TMEM132B: variants seen among roughly 807,000 people sequenced by gnomAD.
TMEM132B encodes the protein transmembrane protein 132B.
Under a neutral mutation model 90.8 loss-of-function variants are expected in TMEM132B, and 18 were observed. That is an observed-to-expected ratio of 0.20 (90% CI 0.14 to 0.29). The LOEUF is 0.29. TMEM132B is among the 10% of genes least tolerant of loss of function. TMEM132B has a pLI of 1.00. For missense variants in TMEM132B, 1,096 were observed against 1,326.8 expected (o/e 0.83, Z 2.70); for synonymous variants, 504 against 523.3 (o/e 0.96, Z 0.50).
At chr12:125,381,381 T>C (rs996940051) in intron 2 of TMEM132B, among the ~76,000 whole-genome samples, 6 of 152,076 alleles carry the variant, frequency 3.9e-5, no homozygotes, top group Middle Eastern at 3.2e-3. Context: ...AGGAGGAAGA[T>C]GAAGGGTCCC....
chr12:125,525,482 C>T (rs535570406), intron 4 of TMEM132B, among the ~76,000 whole-genome samples: 2 of 152,334 alleles, frequency 1.3e-5, no homozygotes, highest in African/African-American at 4.8e-5. Flanking sequence ...GTGTTTCGTC[C>T]TCCCTGGAAG....
intron 3 of TMEM132B, among the ~76,000 whole-genome samples, chr12:125,512,845 G>T (rs1265919560): frequency 1.3e-5 from 2 of 152,088 alleles, no homozygotes; most frequent in Non-Finnish European, 2.9e-5. Flanking sequence ...ATTAGATCCT[G>T]ATGAAAAAAA....
intron 4 of TMEM132B, among the ~76,000 whole-genome samples, chr12:125,553,100 G>A (rs1214806745): frequency 6.6e-6 from 1 of 152,236 alleles, no homozygotes; most frequent in Non-Finnish European, 1.5e-5. Flanking sequence ...AAAGTGCCTT[G>A]TACCCAAATT....
rs545979685 is a variant in TMEM132B, at chr12:125,527,143, TATCCACCC to T, written c.1293+7543_1293+7550del. On this transcript the variant is annotated intron_variant, in intron 4 of 8. Transcript: ENST00000682704. ...ACTTCCATCCACCCATTTACCCTTCTATCCACCCATCCACCCATCCACCCATCCACCCT... is the reference window on the plus strand; with the variant it reads ...ACTTCCATCCACCCATTTACCCTTCTATCCACCCATCCACCCATCCACCCT... 6.7e-3 allele frequency among the ~76,000 whole-genome samples: 351 copies of T among 52,036 alleles called. 10 individuals are homozygous for T. The highest frequency in any genetic ancestry group is 0.023 in the African/African-American group (298 of 13,162). 34.1% of individuals were successfully genotyped at this position (52,036 alleles called of 152,430 possible).
chr12:125,523,704 C>G (rs758309813), intron 4 of TMEM132B, among the ~76,000 whole-genome samples: 1 of 152,204 alleles, frequency 6.6e-6, no homozygotes, highest in Non-Finnish European at 1.5e-5. Context: ...GCATGATCTG[C>G]TCTGTCATTG....
At position 125,408,060 on chromosome 12, in the gene TMEM132B, T is replaced by C. The variant is rs368659609; in HGVS notation, c.960-7471T>C. Among the ~76,000 whole-genome samples the C allele has an allele frequency of 1.4e-4, 21 of 152,346 alleles. No individual in the cohort carries two copies. The highest frequency in any genetic ancestry group is 4.6e-4 in the African/African-American group (19 of 41,580). On this transcript the variant is annotated intron_variant, in intron 2 of 8. Coordinates refer to ENST00000682704, the MANE Select transcript of TMEM132B (RefSeq NM_001366854.1). This position sits in a 1 kb window ranked among gnomAD's most constrained non-coding sequence, Gnocchi z 5.9. ...ACTGCCTCTACCACAGGGCGGCCAC[T>C]GTGCAGGCTTTCACCTCGGAGATCT...
At chr12:125,552,339 TC>T (rs1884249152) in intron 4 of TMEM132B, among the ~76,000 whole-genome samples, 1 of 152,200 alleles carries the variant, frequency 6.6e-6, no homozygotes, top group African/African-American at 2.4e-5. Flanking sequence ...TGTACTGGTC[TC>T]CACCAGTGGC....
intron 4 of TMEM132B, among the ~76,000 whole-genome samples, chr12:125,543,455 G>A (rs185047130): frequency 6.6e-6 from 1 of 152,278 alleles, no homozygotes; most frequent in Admixed American, 6.5e-5. Flanking sequence ...TACACAGCAG[G>A]ATATGAATAG....
intron 3 of TMEM132B, among the ~76,000 whole-genome samples, chr12:125,517,439 G>A (rs976153800): frequency 2.1e-5 from 3 of 142,472 alleles, no homozygotes; most frequent in Admixed American, 7.7e-5. Flanking sequence ...TGATCCACCC[G>A]CCTCGGCCTC....
At chr12:125,322,733 T>C (rs1876462390) in intron 1 of TMEM132B, among the ~76,000 whole-genome samples, 1 of 152,166 alleles carries the variant, frequency 6.6e-6, no homozygotes, top group Non-Finnish European at 1.5e-5. Flanking sequence ...TTTCAAAAAG[T>C]ATAAAAGTGA....
intron 3 of TMEM132B, among the ~76,000 whole-genome samples, chr12:125,432,077 C>T (rs2136402484): frequency 6.6e-6 from 1 of 152,020 alleles, no homozygotes; most frequent in East Asian, 1.9e-4. Flanking sequence ...TGCTGCCACG[C>T]TGCCGGGGTG....
intron 4 of TMEM132B, among the ~76,000 whole-genome samples, chr12:125,583,101 C>T (rs554047155): frequency 6.6e-6 from 1 of 152,130 alleles, no homozygotes; most frequent in Admixed American, 6.5e-5. Context: ...ACAGGGAAAC[C>T]AGTTGGGGAG....
chr12:125,234,576 T>TCCCTTCAGAA (rs1243023154), intron 1 of TMEM132B, among the ~76,000 whole-genome samples: 2 of 152,162 alleles, frequency 1.3e-5, no homozygotes, highest in East Asian at 3.9e-4. Context: ...CCCCCCTCGG[T>TCCCTTCAGAA]CCCTTCAGGT....
chr12:125,632,683 T>G (rs1259972942), intron 5 of TMEM132B, among the ~76,000 whole-genome samples: 2 of 152,152 alleles, frequency 1.3e-5, no homozygotes, highest in East Asian at 3.8e-4. Flanking sequence ...TCAAAGTTTT[T>G]TTTTCCTCCT....
chr12:125,357,638 C>T (rs747970255), intron 2 of TMEM132B, among the ~76,000 whole-genome samples: 3 of 152,162 alleles, frequency 2.0e-5, no homozygotes, highest in African/African-American at 4.8e-5. Context: ...TGCCGAAGAC[C>T]GGGGACCTGT....
chr12:125,295,067 A>G (rs1875634715), intron 1 of TMEM132B, among the ~76,000 whole-genome samples: 1 of 152,260 alleles, frequency 6.6e-6, no homozygotes, highest in African/African-American at 2.4e-5. Flanking sequence ...AAGGCTGCAG[A>G]AGAAAAAAAG....
intron 6 of TMEM132B, among the ~76,000 whole-genome samples, chr12:125,647,339 C>T (rs942244735): frequency 7.2e-5 from 11 of 152,186 alleles, no homozygotes; most frequent in Non-Finnish European, 1.6e-4. Context: ...TGTCAAGAGA[C>T]ATAAACACAT....
intron 3 of TMEM132B, among the ~76,000 whole-genome samples, chr12:125,480,848 C>T (rs1265493941): frequency 7.9e-5 from 12 of 152,038 alleles, no homozygotes; most frequent in Non-Finnish European, 1.2e-4. Flanking sequence ...AACATCAATG[C>T]GAATATCCTC....
rs546968224 is a variant in TMEM132B, at chr12:125,634,168, C to T, written c.1438-9908C>T. Reference sequence around the variant, plus strand: ...GACGCAGTCCTTCCCCCTCTTCCTTCGCCTTTCCAAATGCAGAGAAGCCTC... The same window carrying T: ...GACGCAGTCCTTCCCCCTCTTCCTTTGCCTTTCCAAATGCAGAGAAGCCTC... On this transcript the variant is annotated intron_variant, in intron 5 of 8. Transcript: ENST00000682704. Among the ~76,000 whole-genome samples, 24 of 152,316 alleles carry T rather than the reference C, an allele frequency of 1.6e-4. No homozygotes were observed. In the South Asian group the frequency reaches 3.1e-3, roughly 20 times the overall value.
Sources: allele counts gnomAD v4.1 joint callset (sites outside exome capture counted in the v4.1 genomes callset), GRCh38; gene constraint gnomAD v4.1.1; non-coding constraint Gnocchi (gnomAD v3.1); transcripts MANE v1.5; gene names NCBI Gene and HGNC (gene_info 2026-07-23, HGNC 2026-07-21).